The following VRK2 variants were observed in gnomAD, a reference collection of about 807,000 sequenced individuals.
VRK2 encodes the protein serine/threonine-protein kinase VRK2.
In VRK2, 60 loss-of-function variants were observed where a neutral mutation model predicts 57.6. That is an observed-to-expected ratio of 1.04 (90% CI 0.85 to 1.29). VRK2 has a LOEUF of 1.29. Among genes scored for constraint, VRK2 ranks in the 50% most tolerant of loss-of-function variants. VRK2 has a pLI of 0.00. For synonymous variants in VRK2, 231 were observed against 199.2 expected (o/e 1.16, Z -1.35); for missense variants, 705 against 588.1 (o/e 1.20, Z -2.06).
chr2:58,127,827 A>G (rs1306542788), intron 8 of VRK2, among the ~76,000 whole-genome samples: 1 of 152,138 alleles, frequency 6.6e-6, no homozygotes, highest in Non-Finnish European at 1.5e-5. Flanking sequence ...ATACTCCATA[A>G]TGTTACTCGG....
chr2:57,936,531 G>GTTTTTTTTTTTTTTTTTTT (rs539088139), intron 1 of VRK2, among the ~76,000 whole-genome samples: 1 of 134,952 alleles, frequency 7.4e-6, no homozygotes, highest in Non-Finnish European at 1.6e-5. Context: ...TTGTTTTTTT[G>GTTTTTTTTTTTTTTTTTTT]TTTTTTTTTT....
chr2:58,107,295 GA>G (rs1171780592), intron 7 of VRK2, among the ~76,000 whole-genome samples: 14 of 151,926 alleles, frequency 9.2e-5, no homozygotes, highest in African/African-American at 3.4e-4. Context: ...ATTGATTGAA[GA>G]CCTTTTATTT....
chr2:58,028,332 A>G (rs569721439), intron 2 of VRK2: 1 of 152,254 alleles, frequency 6.6e-6, no homozygotes, highest in African/African-American at 2.4e-5. Context: ...AAAGAAGAGA[A>G]GTGGCCATTT....
intron 10 of VRK2, among the ~76,000 whole-genome samples, chr2:58,136,977 A>G (rs1351796444): frequency 2.2e-5 from 3 of 134,774 alleles, no homozygotes; most frequent in African/African-American, 8.5e-5. Context: ...CATATATTAT[A>G]TATCATATAT....
intron 1 of VRK2, among the ~76,000 whole-genome samples, chr2:57,958,608 GT>G (rs147299475): frequency 0.026 from 3,932 of 151,882 alleles, 172 homozygotes; most frequent in African/African-American, 0.09. Context: ...TCATTTTGAT[GT>G]TTATTTGATA....
At chr2:58,066,616 G>A (rs1050438968) in intron 2 of VRK2, among the ~76,000 whole-genome samples, 11 of 151,818 alleles carry the variant, frequency 7.2e-5, no homozygotes, top group African/African-American at 2.7e-4. Flanking sequence ...TCTTTCTTTT[G>A]TTTTCTGGAA....
intron 1 of VRK2, chr2:58,025,605 T>C (rs1388569743): frequency 2.6e-5 from 4 of 152,224 alleles, no homozygotes; most frequent in Non-Finnish European, 4.4e-5. Context: ...ACAAATTATC[T>C]TATTGTCTGA....
intron 1 of VRK2, among the ~76,000 whole-genome samples, chr2:57,999,046 G>C: frequency 6.6e-6 from 1 of 151,766 alleles, no homozygotes; most frequent in Admixed American, 6.6e-5. Flanking sequence ...CTGGACAGTT[G>C]TTACATTATA....
intron 10 of VRK2, among the ~76,000 whole-genome samples, chr2:58,137,044 AATAT>A (rs1165911764): frequency 7.7e-6 from 1 of 129,240 alleles, no homozygotes; most frequent in Non-Finnish European, 1.5e-5. Flanking sequence ...TATCATATAT[AATAT>A]ATATGTGTAT....
At chr2:57,917,436 A>G (rs1176579149) in intron 1 of VRK2, among the ~76,000 whole-genome samples, 2 of 151,490 alleles carry the variant, frequency 1.3e-5, no homozygotes, top group Admixed American at 1.3e-4. Flanking sequence ...GAGTCCTAAT[A>G]TATTCATCTG....
intron 2 of VRK2, among the ~76,000 whole-genome samples, chr2:58,070,273 C>T (rs1396532623): frequency 2.0e-5 from 3 of 152,076 alleles, no homozygotes; most frequent in Non-Finnish European, 4.4e-5. Context: ...TGGTCTTGAA[C>T]TCCTAGGCTC....
chr2:58,014,844 G>T (rs186204667), intron 1 of VRK2, among the ~76,000 whole-genome samples: 5 of 152,078 alleles, frequency 3.3e-5, no homozygotes, highest in African/African-American at 1.2e-4. Context: ...TGTAGGTGTA[G>T]ATCTGCAGTA....
At chr2:57,910,341 T>C (rs1669948218) in intron 1 of VRK2, among the ~76,000 whole-genome samples, 1 of 152,034 alleles carries the variant, frequency 6.6e-6, no homozygotes, top group Non-Finnish European at 1.5e-5. Context: ...TATTGTACTC[T>C]TCCCTGGATT....
At chr2:57,922,949 A>C (rs1670402275) in intron 1 of VRK2, among the ~76,000 whole-genome samples, 1 of 151,952 alleles carries the variant, frequency 6.6e-6, no homozygotes, top group African/African-American at 2.4e-5. Context: ...TTTAGTTTTC[A>C]CAAATAAGTG....
intron 1 of VRK2, among the ~76,000 whole-genome samples, chr2:57,913,210 A>G (rs1670043283): frequency 6.6e-6 from 1 of 152,212 alleles, no homozygotes; most frequent in Non-Finnish European, 1.5e-5. Flanking sequence ...CTGGGATTCA[A>G]TCTTGGCCCT....
intron 1 of VRK2, among the ~76,000 whole-genome samples, chr2:57,993,285 G>A (rs1370677782): frequency 2.0e-5 from 3 of 151,956 alleles, no homozygotes; most frequent in African/African-American, 7.3e-5. Context: ...AGCTTAGTAT[G>A]GTACTTAACA....
intron 1 of VRK2, among the ~76,000 whole-genome samples, chr2:57,919,316 G>A (rs1323590323): frequency 2.6e-5 from 4 of 151,972 alleles, no homozygotes; most frequent in Non-Finnish European, 5.9e-5. Flanking sequence ...TGTTTTATAA[G>A]AAATATAAAC....
At chr2:58,073,568 T>C (rs925524979) in intron 2 of VRK2, among the ~76,000 whole-genome samples, 1 of 150,982 alleles carries the variant, frequency 6.6e-6, no homozygotes, top group Admixed American at 6.6e-5. Flanking sequence ...TCCCTCTTTA[T>C]TCCTGATTGT....
At position 58,146,380 on chromosome 2, in the gene VRK2, A is replaced by G. The variant is rs1016401694; in HGVS notation, c.1088A>G (p.Lys363Arg). The change falls in exon 12 of 13, where the codon AAA (lysine) becomes AGA (arginine). Residue 363 changes from lysine to arginine, a missense_variant. Transcript: ENST00000340157. ...GCACACAATAGGTTAATCGAAAAAA[A>G]AGTCCACAGTGAGAGAAGCGCTGAG... ...NKAHNRLIEK[K>R]VHSERSAESC... 52 of 1,611,722 alleles carry G rather than the reference A, an allele frequency of 3.2e-5. No homozygotes were observed. The Admixed American group carries it at 8.7e-4, about 27-fold the overall frequency.
Sources: gnomAD v4.1 joint callset for allele counts (sites outside exome capture counted in the v4.1 genomes callset) on GRCh38, gnomAD v4.1.1 for gene constraint, MANE v1.5 for transcripts, NCBI Gene and HGNC (gene_info 2026-07-23, HGNC 2026-07-21) for gene names.